CMTR1: variants seen among roughly 807,000 people sequenced by gnomAD.
CMTR1 encodes cap-specific mRNA (nucleoside-2'-O-)-methyltransferase 1.
Under a neutral mutation model 107.0 loss-of-function variants are expected in CMTR1, and 39 were observed. The observed-to-expected ratio is 0.36, with a 90% CI of 0.28 to 0.48. CMTR1 has a LOEUF of 0.48. Ranked by LOEUF, CMTR1 falls within the 20% of genes least tolerant of loss-of-function variation. The pLI is 0.99. For synonymous variants in CMTR1, 366 were observed against 379.5 expected, an observed-to-expected ratio of 0.96 and a Z score of 0.41; for missense variants, 672 against 1,064.9, an observed-to-expected ratio of 0.63 and a Z score of 5.14.
intron 4 of CMTR1, among the ~76,000 whole-genome samples, chr6:37,449,271 T>TTGTTA (rs71542111): frequency 0.31 from 44,525 of 145,088 alleles, 7,208 homozygotes; most frequent in East Asian, 0.54. Context: ...ATTTTATGTT[T>TTGTTA]TGTTATGTTA....
intron 4 of CMTR1, 55 bp from the exon 5 acceptor site, chr6:37,450,196 G>GT: frequency 6.9e-7 from 1 of 1,456,354 alleles, no homozygotes; most frequent in Non-Finnish European, 9.6e-7. Flanking sequence ...ATGAGTTGGG[G>GT]TTTAGCTTTG....
At chr6:37,441,785 T>A (rs1304704825) in intron 2 of CMTR1, among the ~76,000 whole-genome samples, 1 of 152,144 alleles carries the variant, frequency 6.6e-6, no homozygotes, top group Non-Finnish European at 1.5e-5. Flanking sequence ...ACAAAAGAAA[T>A]ATCAGTTCAC....
intron 16 of CMTR1, among the ~76,000 whole-genome samples, chr6:37,473,147 C>T (rs1435523420): frequency 6.6e-6 from 1 of 152,066 alleles, no homozygotes; most frequent in Non-Finnish European, 1.5e-5. Context: ...CTGGAGAATC[C>T]TTGCTTTGAG....
chr6:37,481,198 G>T lies in CMTR1; in HGVS notation c.*1053G>T, dbSNP rs1454576249. 1 of 1,303,554 alleles carries T rather than the reference G, an allele frequency of 7.7e-7. No homozygotes were observed. Among genetic ancestry groups the T allele is most frequent in the Non-Finnish European group, 1.0e-6 (1 of 988,766 alleles). 80.7% of individuals were successfully genotyped at this position (1,303,554 alleles called of 1,614,324 possible). On this transcript the variant is annotated 3_prime_UTR_variant, in exon 24 of 24. Coordinates refer to ENST00000373451, the MANE Select transcript of CMTR1 (RefSeq NM_015050.3). ...TCTTGGCCGACAACACAGAGAGGAGGGGGAGCTGGGCAGTAGCTTGGGGTG... is the reference window on the plus strand; with the variant it reads ...TCTTGGCCGACAACACAGAGAGGAGTGGGAGCTGGGCAGTAGCTTGGGGTG...
chr6:37,475,540 C>A, intron 19 of CMTR1, 128 bp downstream of exon 19: 1 of 751,070 alleles, frequency 1.3e-6, no homozygotes, highest in Non-Finnish European at 2.2e-6. Flanking sequence ...GAGTTTCCCC[C>A]TCCCACCCAC....
At position 37,461,564 on chromosome 6, in the gene CMTR1, G is replaced by A. The variant is rs1434171580; in HGVS notation, c.1111G>A (p.Gly371Arg). The A allele has an allele frequency of 1.2e-6, 2 of 1,604,740 alleles. No individual in the cohort carries two copies. Among genetic ancestry groups the A allele is most frequent in the Non-Finnish European group, 1.7e-6 (2 of 1,174,674 alleles). Residue 371 changes from glycine to arginine, a missense_variant, in exon 11 of 24, where the codon GGG becomes AGG. Gly to Arg is a moderately radical substitution (Grantham distance 125). Transcript: ENST00000373451. ...CTCATTTCAGGGTTTCTCGGTGGAG[G>A]GGCAGGAGAACCTGCAGGAGATCCT... ...LMADGGFSVE[G>R]QENLQEILSK...
At chr6:37,447,752 A>G (rs572347604) in intron 4 of CMTR1, among the ~76,000 whole-genome samples, 1 of 152,190 alleles carries the variant, frequency 6.6e-6, no homozygotes, top group South Asian at 2.1e-4. Flanking sequence ...TCCAGCTGCT[A>G]GAGAGGCTAA....
In CMTR1 at chr6:37,479,131, C is replaced by A; in HGVS notation, c.2267-16C>A. On this transcript the variant is annotated splice_polypyrimidine_tract_variant and intron_variant, in intron 22 of 23. Coordinates refer to ENST00000373451, the MANE Select transcript of CMTR1 (RefSeq NM_015050.3). ...TTGTGTCCCTTCTGGGCTTCATCCC[C>A]TCTTCCTCCCATCAGAGCCCTGGAC... 6.3e-7 allele frequency: 1 copy of A among 1,590,930 alleles called. No homozygotes were observed. The highest frequency in any genetic ancestry group is 8.6e-7 in the Non-Finnish European group (1 of 1,159,062).
intron 12 of CMTR1, 127 bp from the exon 13 acceptor site, chr6:37,462,702 T>C (rs1761425162): frequency 2.5e-6 from 2 of 812,372 alleles, no homozygotes; most frequent in Non-Finnish European, 4.1e-6. Flanking sequence ...TGTGTTGTTC[T>C]TTGTGCGTAG....
chr6:37,435,217 A>G (rs1292741343), intron 1 of CMTR1, among the ~76,000 whole-genome samples: 1 of 152,192 alleles, frequency 6.6e-6, no homozygotes, highest in Non-Finnish European at 1.5e-5. Flanking sequence ...CACCTTGGGA[A>G]TATTGGTTAA....
upstream of CMTR1, among the ~76,000 whole-genome samples, chr6:37,428,614 C>T (rs755528704): frequency 1.5e-4 from 23 of 151,996 alleles, no homozygotes; most frequent in Non-Finnish European, 2.9e-4. Flanking sequence ...TGTGCCACTG[C>T]GCCTGGCTAA....
intron 10 of CMTR1, among the ~76,000 whole-genome samples, chr6:37,461,330 A>G (rs950500837): frequency 1.3e-5 from 2 of 152,196 alleles, no homozygotes; most frequent in Admixed American, 6.5e-5. Flanking sequence ...CAGAGCAGGA[A>G]AGTGGAGCTG....
At chr6:37,452,084 A>T (rs922365975) in intron 6 of CMTR1, among the ~76,000 whole-genome samples, 1 of 152,158 alleles carries the variant, frequency 6.6e-6, no homozygotes, top group Admixed American at 6.5e-5. Context: ...CCCTGTGGTC[A>T]GCAGCCAAGA....
intron 13 of CMTR1, among the ~76,000 whole-genome samples, chr6:37,469,271 C>T (rs1761575100): frequency 6.6e-6 from 1 of 152,064 alleles, no homozygotes; most frequent in Admixed American, 6.6e-5. Flanking sequence ...TGGTTCTCTG[C>T]TTCCCTTGTT....
Position 37,475,294 on chromosome 6 carries a change from G to A in CMTR1, c.1945-27G>A, listed in dbSNP as rs572759561. The A allele has an allele frequency of 2.0e-5, 31 of 1,578,818 alleles. No individual in the cohort carries two copies. In the South Asian group the frequency reaches 3.4e-4, roughly 17 times the overall value. On this transcript the variant is annotated intron_variant, in intron 18 of 23. Transcript: ENST00000373451. ...GCTGAAGGCTGACACCTGGCAGAGT[G>A]GGCAGTGTACCTACTTATCCTTCTA...
chr6:37,451,881 A>G lies in CMTR1; in HGVS notation c.609+4A>G. On this transcript the variant is annotated splice_donor_region_variant and intron_variant, in intron 6 of 23. Transcript: ENST00000373451. ...TCACAGTGTGTTGCAGTGTAAGGTA[A>G]GGTCTTGTGGCTAGAACCAGATAAT... The G allele has an allele frequency of 6.2e-6, 10 of 1,611,194 alleles. No individual in the cohort carries two copies. The highest frequency in any genetic ancestry group is 7.6e-6 in the Non-Finnish European group (9 of 1,178,342).
intron 3 of CMTR1, among the ~76,000 whole-genome samples, chr6:37,445,382 C>T (rs1771760580): frequency 6.6e-6 from 1 of 152,040 alleles, no homozygotes; most frequent in South Asian, 2.1e-4. Context: ...TGGGTATATA[C>T]CTGGGCCCAG....
chr6:37,465,887 C>T (rs973235173), intron 13 of CMTR1, among the ~76,000 whole-genome samples: 1 of 151,380 alleles, frequency 6.6e-6, no homozygotes, highest in Non-Finnish European at 1.5e-5. Flanking sequence ...ATATTAATCA[C>T]TTGTCAGATA....
Position 37,480,548 on chromosome 6 carries a change from C to A in CMTR1, c.*403C>A. 1 of 1,047,204 alleles carries A rather than the reference C, an allele frequency of 9.5e-7. No homozygotes were observed. Among genetic ancestry groups the A allele is most frequent in the Non-Finnish European group, 1.1e-6 (1 of 870,696 alleles). 64.9% of individuals were successfully genotyped at this position (1,047,204 alleles called of 1,614,324 possible). ...TGCACTGCCCTGAGGGTAGCCATGC[C>A]CTTGCTTTGCCCAACTTTTTATTGG... On this transcript the variant is annotated 3_prime_UTR_variant, in exon 24 of 24. Coordinates refer to ENST00000373451, the MANE Select transcript of CMTR1 (RefSeq NM_015050.3).
Sources: allele counts gnomAD v4.1 joint callset (sites outside exome capture counted in the v4.1 genomes callset), GRCh38; gene constraint gnomAD v4.1.1; transcripts MANE v1.5; gene names NCBI Gene and HGNC (gene_info 2026-07-23, HGNC 2026-07-21).